Variants in RBFOX1 observed in about 807,000 individuals in gnomAD.
RBFOX1 encodes RNA binding protein fox-1 homolog 1.
RBFOX1 carries 8 observed loss-of-function variants against 57.7 expected under a neutral mutation model. The observed-to-expected ratio is 0.14, with a 90% CI of 0.08 to 0.25. RBFOX1 has a LOEUF of 0.25. RBFOX1 is among the 10% of genes least tolerant of loss of function. RBFOX1 has a pLI of 1.00. For missense variants in RBFOX1, 611 were observed against 548.5 expected (o/e 1.11, Z -1.14); for synonymous variants, 326 against 222.4 (o/e 1.47, Z -4.15).
chr16:7,001,855 A>G (rs545203796), intron 3 of RBFOX1, among the ~76,000 whole-genome samples: 3 of 152,278 alleles, frequency 2.0e-5, no homozygotes, highest in East Asian at 3.9e-4. Context: ...TCTGTTCAGC[A>G]CTTGTCTCAA....
intron 2 of RBFOX1, among the ~76,000 whole-genome samples, chr16:6,561,300 A>G (rs902569623): frequency 8.5e-5 from 13 of 152,184 alleles, no homozygotes; most frequent in Non-Finnish European, 1.5e-4. Flanking sequence ...TAAATGTTCC[A>G]TGGTTTCAGA....
At chr16:7,442,791 C>T (rs1025497203) in intron 4 of RBFOX1, among the ~76,000 whole-genome samples, 8 of 152,138 alleles carry the variant, frequency 5.3e-5, no homozygotes, top group African/African-American at 9.7e-5. Context: ...GATCGTCACC[C>T]ACCAGATCAG....
At chr16:5,691,979 T>C (rs1307097765) in intron 3 of RBFOX1, among the ~76,000 whole-genome samples, 1 of 151,778 alleles carries the variant, frequency 6.6e-6, no homozygotes, top group Non-Finnish European at 1.5e-5. Context: ...TGTCACATTC[T>C]TCACCTCTGC....
chr16:5,905,684 C>G (rs542307075), intron 4 of RBFOX1, among the ~76,000 whole-genome samples: 2 of 152,192 alleles, frequency 1.3e-5, no homozygotes, highest in South Asian at 4.2e-4. Flanking sequence ...GAGACCCTGT[C>G]CAACGCAACA....
chr16:5,865,895 G>A (rs1192446012), intron 3 of RBFOX1, among the ~76,000 whole-genome samples: 1 of 152,048 alleles, frequency 6.6e-6, no homozygotes, highest in Non-Finnish European at 1.5e-5. Flanking sequence ...TTTCCTGTGT[G>A]CAGGAGGAGA....
chr16:7,574,085 C>T (rs983615131), intron 5 of RBFOX1, among the ~76,000 whole-genome samples: 1 of 152,096 alleles, frequency 6.6e-6, no homozygotes, highest in Non-Finnish European at 1.5e-5. Flanking sequence ...ATAATGACTT[C>T]TCAAGTTGAA....
At position 5,631,552 on chromosome 16, in the gene RBFOX1, T is replaced by C. The variant is rs538618527; in HGVS notation, c.318+32591T>C. On this transcript the variant is annotated intron_variant, in intron 3 of 19. Coordinates refer to the RBFOX1 transcript ENST00000641259. Reference sequence around the variant, plus strand: ...AGCCTGGTGACAGACCGAGACTCCATATTTAAAAAAAAAAAAAAAGTGTCT... The same window carrying C: ...AGCCTGGTGACAGACCGAGACTCCACATTTAAAAAAAAAAAAAAAGTGTCT... Among the ~76,000 whole-genome samples the C allele has an allele frequency of 3.9e-4, 59 of 150,234 alleles. 1 individual carries two copies. In the South Asian group the frequency reaches 0.011, roughly 28 times the overall value.
chr16:6,344,188 T>A (rs923343492), intron 2 of RBFOX1, among the ~76,000 whole-genome samples: 1 of 151,952 alleles, frequency 6.6e-6, no homozygotes, highest in Non-Finnish European at 1.5e-5. Context: ...GTAGCTAGGA[T>A]TACAGGTGCC....
intron 1 of RBFOX1, among the ~76,000 whole-genome samples, chr16:5,353,457 G>C (rs1364532272): frequency 6.6e-6 from 1 of 151,980 alleles, no homozygotes; most frequent in African/African-American, 2.4e-5. Flanking sequence ...TGGTGTGTTA[G>C]GACATTGACA....
intron 2 of RBFOX1, among the ~76,000 whole-genome samples, chr16:6,485,511 G>T (rs758817694): frequency 1.3e-5 from 2 of 151,484 alleles, no homozygotes; most frequent in Non-Finnish European, 2.9e-5. Flanking sequence ...CATATGTTTT[G>T]CACGCTGGAG....
At chr16:7,610,387 T>A (rs1036051843) in intron 10 of RBFOX1, among the ~76,000 whole-genome samples, 1 of 151,872 alleles carries the variant, frequency 6.6e-6, no homozygotes, top group Admixed American at 6.6e-5. Context: ...ATTTATTTTT[T>A]TTTTTAATAT....
chr16:5,368,694 G>T (rs1029295344), intron 1 of RBFOX1, among the ~76,000 whole-genome samples: 1 of 152,142 alleles, frequency 6.6e-6, no homozygotes, highest in African/African-American at 2.4e-5. Context: ...TGGCCTTTCA[G>T]GGGGGCAGGA....
Position 6,054,043 on chromosome 16 carries a change from T to G in RBFOX1, c.-127+34051T>G, listed in dbSNP as rs532281020. ...CAGCCTGCGCAACAGAATGAGACCC[T>G]GTTTCAAAAAAGAAAAAAAGAAATT... On this transcript the variant is annotated intron_variant, in intron 1 of 15. Coordinates refer to ENST00000550418, the MANE Select transcript of RBFOX1 (RefSeq NM_018723.4). Among the ~76,000 whole-genome samples the G allele has an allele frequency of 3.9e-5, 6 of 152,172 alleles. No individual in the cohort carries two copies. In the South Asian group the frequency reaches 1.2e-3, roughly 32 times the overall value.
rs965664476 is a variant in RBFOX1, at chr16:7,304,078, G to A, written c.28-214069G>A. ...GGAACCAACTAGTTTCCAGGTCCCCGCAAGTGTTTTAGTTGGAGGCAGAGG... is the reference window on the plus strand; with the variant it reads ...GGAACCAACTAGTTTCCAGGTCCCCACAAGTGTTTTAGTTGGAGGCAGAGG... On this transcript the variant is annotated intron_variant, in intron 4 of 15. Transcript: ENST00000550418. The A allele has an allele frequency of 9.0e-6, 4 of 443,360 alleles. No individual in the cohort carries two copies. In the Admixed American group the frequency reaches 1.9e-4, roughly 21 times the overall value. 27.5% of individuals were successfully genotyped at this position (443,360 alleles called of 1,614,324 possible).
At chr16:6,908,483 C>G (rs749408318) in intron 3 of RBFOX1, among the ~76,000 whole-genome samples, 1 of 152,154 alleles carries the variant, frequency 6.6e-6, no homozygotes, top group East Asian at 1.9e-4. Flanking sequence ...CATGCCCAAT[C>G]CTCTAGGAAG....
intron 4 of RBFOX1, among the ~76,000 whole-genome samples, chr16:7,507,172 G>C (rs949002351): frequency 6.6e-6 from 1 of 152,180 alleles, no homozygotes; most frequent in Non-Finnish European, 1.5e-5. Context: ...TAAAAGGTTA[G>C]ATAGTAACAC....
intron 4 of RBFOX1, among the ~76,000 whole-genome samples, chr16:7,200,111 T>C (rs1223752927): frequency 6.6e-6 from 1 of 152,170 alleles, no homozygotes; most frequent in East Asian, 1.9e-4. Flanking sequence ...CATGAACACA[T>C]AGCACCAACA....
chr16:5,777,702 G>T (rs1156944758), intron 3 of RBFOX1, among the ~76,000 whole-genome samples: 1 of 152,168 alleles, frequency 6.6e-6, no homozygotes, highest in African/African-American at 2.4e-5. Context: ...GATGAAAAGT[G>T]ACCATCACAC....
chr16:5,539,683 G>T (rs1270551230), intron 2 of RBFOX1, among the ~76,000 whole-genome samples: 1 of 152,156 alleles, frequency 6.6e-6, no homozygotes, highest in East Asian at 1.9e-4. Context: ...TTGTAAATGT[G>T]AGAGATTGTA....
Sources: allele counts gnomAD v4.1 joint callset (sites outside exome capture counted in the v4.1 genomes callset), GRCh38; gene constraint gnomAD v4.1.1; transcripts MANE v1.5; gene names NCBI Gene and HGNC (gene_info 2026-07-23, HGNC 2026-07-21).